Variants in CUL5 observed in about 807,000 individuals in gnomAD.
CUL5 encodes cullin-5.
A neutral mutation model predicts 108.8 loss-of-function variants in CUL5; 26 were observed. That is an observed-to-expected ratio of 0.24 (90% CI 0.18 to 0.33). The LOEUF (loss-of-function observed/expected upper bound fraction) is 0.33, where lower values mean the gene tolerates loss of function less well. CUL5 is among the 10% of genes least tolerant of loss of function. The pLI is 1.00. For missense variants in CUL5, 524 were observed against 909.2 expected, an observed-to-expected ratio of 0.58 and a Z score of 5.45; for synonymous variants, 334 against 298.0, an observed-to-expected ratio of 1.12 and a Z score of -1.25.
chr11:108,060,113 C>A (rs528381876), intron 7 of CUL5, among the ~76,000 whole-genome samples: 8 of 152,056 alleles, frequency 5.3e-5, no homozygotes, highest in African/African-American at 1.9e-4. Flanking sequence ...AAATTATTAA[C>A]ATTAAAATAA....
At chr11:108,063,024 T>C (rs557301339) in intron 7 of CUL5, among the ~76,000 whole-genome samples, 3 of 152,116 alleles carry the variant, frequency 2.0e-5, no homozygotes, top group Non-Finnish European at 2.9e-5. Flanking sequence ...TTTGTATTTT[T>C]AGTAGAGATG....
chr11:108,034,986 A>G (rs887821028), intron 2 of CUL5, among the ~76,000 whole-genome samples: 5 of 152,188 alleles, frequency 3.3e-5, no homozygotes, highest in African/African-American at 1.2e-4. Context: ...CCTAGAAAAC[A>G]TCAGTTCCTT....
At chr11:108,044,924 G>A (rs991996862) in intron 2 of CUL5, among the ~76,000 whole-genome samples, 36 of 151,790 alleles carry the variant, frequency 2.4e-4, no homozygotes, top group African/African-American at 8.5e-4. Context: ...ACCACGCCTG[G>A]CTAATTTTTG....
intron 2 of CUL5, among the ~76,000 whole-genome samples, chr11:108,045,879 A>C (rs1863055248): frequency 6.6e-6 from 1 of 152,174 alleles, no homozygotes; most frequent in African/African-American, 2.4e-5. Context: ...AAAATAAAAA[A>C]ATTTTTAAAA....
At chr11:108,081,435 G>A (rs970192644) in intron 11 of CUL5, among the ~76,000 whole-genome samples, 3 of 151,688 alleles carry the variant, frequency 2.0e-5, no homozygotes, top group African/African-American at 7.3e-5. Context: ...AGCATTCATT[G>A]AACAGTCTTT....
intron 7 of CUL5, among the ~76,000 whole-genome samples, chr11:108,057,427 A>C (rs921544163): frequency 1.3e-5 from 2 of 152,234 alleles, no homozygotes; most frequent in Admixed American, 6.5e-5. Flanking sequence ...ACACCATCTT[A>C]ATTAAGTGAT....
Position 108,074,843 on chromosome 11 carries a change from G to A in CUL5, c.1113+1346G>A, listed in dbSNP as rs1863907664. ...AAATAAAAATAAAACAAATAAGTAG[G>A]TAAAGTAGGAAAGGAGTTAAGGGAG... On this transcript the variant is annotated intron_variant, in intron 10 of 18. Transcript: ENST00000393094. 2.0e-5 allele frequency among the ~76,000 whole-genome samples: 3 copies of A among 152,158 alleles called. No individual in the cohort carries two copies. In the South Asian group the frequency reaches 6.2e-4, roughly 32 times the overall value.
At chr11:108,048,968 C>T (rs1452614496) in intron 3 of CUL5, among the ~76,000 whole-genome samples, 5 of 151,946 alleles carry the variant, frequency 3.3e-5, no homozygotes, top group Non-Finnish European at 5.9e-5. Flanking sequence ...CCTGCCGTGA[C>T]TCCACCACCT....
intron 11 of CUL5, among the ~76,000 whole-genome samples, chr11:108,087,429 T>A (rs549908923): frequency 2.0e-5 from 3 of 152,334 alleles, no homozygotes; most frequent in South Asian, 2.1e-4. Flanking sequence ...ATCTTCAATT[T>A]AAATTTATTT....
intron 17 of CUL5, 142 bp downstream of exon 17, chr11:108,097,896 T>G: frequency 1.8e-6 from 1 of 549,240 alleles, no homozygotes; most frequent in Non-Finnish European, 3.2e-6. Flanking sequence ...TTTAGTTGTT[T>G]ATGGAAAATA....
intron 1 of CUL5, among the ~76,000 whole-genome samples, chr11:108,025,782 A>G (rs1033642285): frequency 6.6e-6 from 1 of 152,178 alleles, no homozygotes; most frequent in African/African-American, 2.4e-5. Flanking sequence ...AGCTCCCTTG[A>G]TGCCACAAAT....
intron 16 of CUL5, 27 bp downstream of exon 16, chr11:108,095,718 G>A: frequency 6.3e-7 from 1 of 1,581,424 alleles, no homozygotes; most frequent in Non-Finnish European, 8.6e-7. Context: ...TTGTTTTTAA[G>A]ACTGTATCCT....
In CUL5 at chr11:108,106,110, C is replaced by T. The variant is rs560160427; in HGVS notation, c.*1726C>T. The T allele has an allele frequency of 2.6e-5, 4 of 152,306 alleles. No homozygotes were observed. Among genetic ancestry groups the T allele is most frequent in the South Asian group, 4.2e-4 (2 of 4,814 alleles). The allele number at this position is 152,306 out of a possible 1,614,324, so 9.4% of individuals were successfully genotyped here. The stretch of plus-strand genomic sequence containing the variant: ...GTGAAGAATTAAACTAAAATTAATA[C>T]GTACAGTTTTCTCTAATTAGGTGAC... On this transcript the variant is annotated 3_prime_UTR_variant, in exon 19 of 19. Coordinates refer to ENST00000393094, the MANE Select transcript of CUL5 (RefSeq NM_003478.6).
chr11:108,061,820 C>A (rs996208490), intron 7 of CUL5, among the ~76,000 whole-genome samples: 3 of 152,034 alleles, frequency 2.0e-5, no homozygotes, highest in African/African-American at 7.3e-5. Context: ...TTCCACATGG[C>A]CTGGGAGTCC....
chr11:108,091,060 C>CT (rs1270464573), intron 13 of CUL5, among the ~76,000 whole-genome samples: 4 of 150,946 alleles, frequency 2.6e-5, no homozygotes, highest in East Asian at 1.9e-4. Flanking sequence ...TTCTTTTTTT[C>CT]TTTTTTTTGG....
intron 1 of CUL5, among the ~76,000 whole-genome samples, chr11:108,029,385 A>G (rs113698998): frequency 5.3e-5 from 8 of 152,370 alleles, no homozygotes; most frequent in African/African-American, 1.9e-4. Flanking sequence ...AGAGAATTGT[A>G]GACCTACTAG....
chr11:108,092,446 C>T (rs1244741570), intron 13 of CUL5, among the ~76,000 whole-genome samples: 1 of 152,192 alleles, frequency 6.6e-6, no homozygotes, highest in Non-Finnish European at 1.5e-5. Context: ...AAAGTGGAAA[C>T]AACCCAAAAT....
intron 2 of CUL5, among the ~76,000 whole-genome samples, chr11:108,037,381 T>A (rs181968215): frequency 1.3e-5 from 2 of 152,354 alleles, no homozygotes; most frequent in Admixed American, 1.3e-4. Flanking sequence ...GTCCAACTTC[T>A]AACACCAGCT....
chr11:108,059,659 A>T (rs190423606), intron 7 of CUL5, among the ~76,000 whole-genome samples: 2 of 152,106 alleles, frequency 1.3e-5, no homozygotes, highest in Non-Finnish European at 2.9e-5. Flanking sequence ...TGGGTGGATC[A>T]TGAGGTCAGG....
Sources: gnomAD v4.1 joint callset for allele counts (sites outside exome capture counted in the v4.1 genomes callset) on GRCh38, gnomAD v4.1.1 for gene constraint, MANE v1.5 for transcripts, NCBI Gene and HGNC (gene_info 2026-07-23, HGNC 2026-07-21) for gene names.